Variants in SMYD3 observed in about 807,000 individuals in gnomAD.
The protein encoded by SMYD3 is histone-lysine N-methyltransferase SMYD3.
In SMYD3, 36 loss-of-function variants were observed where a neutral mutation model predicts 57.7. That is an observed-to-expected ratio of 0.62 (90% CI 0.48 to 0.82). The LOEUF is 0.82. Among genes scored for constraint, SMYD3 ranks in the 40% least tolerant of loss-of-function variants. The pLI is 0.00. For missense variants in SMYD3, 515 were observed against 538.8 expected, an observed-to-expected ratio of 0.96 and a Z score of 0.44; for synonymous variants, 211 against 195.0, an observed-to-expected ratio of 1.08 and a Z score of -0.68.
At chr1:246,004,136 C>T (rs954937103) in intron 5 of SMYD3, among the ~76,000 whole-genome samples, 5 of 152,172 alleles carry the variant, frequency 3.3e-5, no homozygotes, top group African/African-American at 4.8e-5. Flanking sequence ...AAATGGAAAT[C>T]GGTACGCAAA....
chr1:246,058,298 T>C (rs1481918396), intron 5 of SMYD3, among the ~76,000 whole-genome samples: 6 of 152,100 alleles, frequency 3.9e-5, no homozygotes, highest in Non-Finnish European at 7.4e-5. Context: ...ATGCTGAGAA[T>C]GAGGGAGGCT....
chr1:246,344,489 C>T (rs1167742001), intron 2 of SMYD3, among the ~76,000 whole-genome samples: 1 of 152,132 alleles, frequency 6.6e-6, no homozygotes, highest in Non-Finnish European at 1.5e-5. Flanking sequence ...ATTCATTTAC[C>T]TGTGGATGAA....
intron 5 of SMYD3, among the ~76,000 whole-genome samples, chr1:246,234,111 G>A (rs1345460951): frequency 3.1e-5 from 4 of 130,930 alleles, no homozygotes; most frequent in African/African-American, 2.8e-5. Flanking sequence ...ACCACACAGA[G>A]GAGAAGCACT....
At chr1:245,932,293 C>T (rs1003117749) in intron 5 of SMYD3, among the ~76,000 whole-genome samples, 3 of 152,064 alleles carry the variant, frequency 2.0e-5, no homozygotes, top group Non-Finnish European at 4.4e-5. Context: ...CGGTTTATTT[C>T]ATGGATTCTG....
chr1:245,788,135 C>A (rs888836482), intron 10 of SMYD3, among the ~76,000 whole-genome samples: 1 of 151,988 alleles, frequency 6.6e-6, no homozygotes, highest in African/African-American at 2.4e-5. Flanking sequence ...TCCAGATTAA[C>A]ACAGGGAACA....
intron 5 of SMYD3, among the ~76,000 whole-genome samples, chr1:246,249,912 G>A (rs151234875): frequency 6.6e-6 from 1 of 152,190 alleles, no homozygotes; most frequent in Non-Finnish European, 1.5e-5. Context: ...TCTTCTAAGA[G>A]CAGCTCCCCC....
chr1:245,806,633 G>C (rs146410699), intron 10 of SMYD3, among the ~76,000 whole-genome samples: 2 of 152,122 alleles, frequency 1.3e-5, no homozygotes, highest in African/African-American at 4.8e-5. Context: ...GGAGAAGGCC[G>C]GGCGCGGTGG....
At chr1:246,048,811 C>T (rs2060013401) in intron 5 of SMYD3, among the ~76,000 whole-genome samples, 1 of 151,458 alleles carries the variant, frequency 6.6e-6, no homozygotes. Context: ...AAATCAATTT[C>T]AAGAAAATTA....
chr1:246,295,173 A>G (rs2064768974), intron 5 of SMYD3, among the ~76,000 whole-genome samples: 1 of 152,042 alleles, frequency 6.6e-6, no homozygotes, highest in South Asian at 2.1e-4. Flanking sequence ...CCAGAACCTA[A>G]GCAATCTCCC....
chr1:245,808,555 C>T (rs571240274), intron 10 of SMYD3, among the ~76,000 whole-genome samples: 3 of 152,288 alleles, frequency 2.0e-5, no homozygotes, highest in East Asian at 3.9e-4. Context: ...AGGAGGGAGC[C>T]GCCTGGACCG....
chr1:246,166,576 T>A (rs2062215870), intron 5 of SMYD3, among the ~76,000 whole-genome samples: 1 of 152,176 alleles, frequency 6.6e-6, no homozygotes, highest in African/African-American at 2.4e-5. Flanking sequence ...AGGCTGTTGG[T>A]TCCTGGAGTC....
chr1:246,504,470 C>T (rs2068505888), intron 1 of SMYD3, among the ~76,000 whole-genome samples: 1 of 152,100 alleles, frequency 6.6e-6, no homozygotes, highest in Admixed American at 6.5e-5. Flanking sequence ...CTAAATGTAC[C>T]TAAACACAGA....
chr1:246,148,601 A>G (rs1355437593), intron 5 of SMYD3, among the ~76,000 whole-genome samples: 1 of 152,142 alleles, frequency 6.6e-6, no homozygotes, highest in Non-Finnish European at 1.5e-5. Context: ...ACATAACACT[A>G]TGATTTGGAG....
chr1:246,281,884 C>T (rs2064449610), intron 5 of SMYD3, among the ~76,000 whole-genome samples: 1 of 151,988 alleles, frequency 6.6e-6, no homozygotes, highest in African/African-American at 2.4e-5. Context: ...AGCTCAAAAT[C>T]AAACAGAAAA....
At chr1:245,966,436 C>T (rs745898000) in intron 5 of SMYD3, among the ~76,000 whole-genome samples, 3 of 152,108 alleles carry the variant, frequency 2.0e-5, no homozygotes, top group African/African-American at 4.8e-5. Context: ...CACAAAGGGC[C>T]GGGATTACAG....
chr1:246,182,488 G>A (rs1191870811), intron 5 of SMYD3, among the ~76,000 whole-genome samples: 8 of 151,730 alleles, frequency 5.3e-5, no homozygotes, highest in African/African-American at 1.7e-4. Context: ...ACAGGCTCAG[G>A]GTCAGGTAGC....
intron 5 of SMYD3, among the ~76,000 whole-genome samples, chr1:246,217,427 C>A (rs536822458): frequency 3.3e-5 from 5 of 151,916 alleles, no homozygotes; most frequent in Non-Finnish European, 5.9e-5. Flanking sequence ...GAGGATCGCT[C>A]GAGCCCGGGA....
Position 245,774,081 on chromosome 1 carries a change from C to A in SMYD3, c.1077-9932G>T, listed in dbSNP as rs181478311. Among the ~76,000 whole-genome samples, 92 of 152,280 alleles carry A rather than the reference C, an allele frequency of 6.0e-4. 4 individuals carry two copies. The highest frequency in any genetic ancestry group is 3.7e-3 in the South Asian group (18 of 4,820). On this transcript the variant is annotated intron_variant, in intron 10 of 11. Transcript: ENST00000490107. ...AATGTAGAACGCTCGATGAAATATT[C>A]TAAAAAGCAGTAAGATGCTGGCAAG...
intron 5 of SMYD3, among the ~76,000 whole-genome samples, chr1:246,282,759 A>G (rs1200037506): frequency 6.6e-6 from 1 of 152,202 alleles, no homozygotes; most frequent in African/African-American, 2.4e-5. Context: ...CTGCTTCAAC[A>G]TATGTTATGG....
Sources: allele counts gnomAD v4.1 joint callset (sites outside exome capture counted in the v4.1 genomes callset), GRCh38; gene constraint gnomAD v4.1.1; transcripts MANE v1.5; gene names NCBI Gene and HGNC (gene_info 2026-07-23, HGNC 2026-07-21).